RMDN3: variants seen among roughly 807,000 people sequenced by gnomAD.
RMDN3 encodes the protein regulator of microtubule dynamics protein 3.
A neutral mutation model predicts 61.8 loss-of-function variants in RMDN3; 41 were observed. That is an observed-to-expected ratio of 0.66 (90% CI 0.52 to 0.86). The LOEUF (loss-of-function observed/expected upper bound fraction) is 0.86, where lower values mean the gene tolerates loss of function less well. Among genes scored for constraint, RMDN3 ranks in the 40% least tolerant of loss-of-function variants. The probability of loss-of-function intolerance (pLI) is 0.00; values close to 1 mark genes in which losing one functional copy is unlikely to be tolerated. For missense variants in RMDN3, 557 were observed against 585.3 expected, an observed-to-expected ratio of 0.95 and a Z score of 0.50; for synonymous variants, 247 against 232.0, an observed-to-expected ratio of 1.06 and a Z score of -0.59.
intron 8 of RMDN3, 41 bp from the exon 9 acceptor site, chr15:40,738,083 G>C: frequency 1.2e-6 from 2 of 1,603,308 alleles, no homozygotes; most frequent in Non-Finnish European, 1.7e-6. Context: ...TCAGACACCA[G>C]AGTTGCTAAA....
chr15:40,737,956 G>A lies in RMDN3; in HGVS notation c.1125+9C>T, dbSNP rs370226833. ...GGACCATTATGTCAAGCACTGAAAC[G>A]CAGCTTACCTGATAGCACCACCTGC... is the stretch of plus-strand genomic sequence containing the variant. On this transcript the variant is annotated intron_variant, in intron 9 of 12. Coordinates refer to ENST00000338376, the MANE Select transcript of RMDN3 (RefSeq NM_018145.3). The A allele has an allele frequency of 1.6e-4, 260 of 1,613,900 alleles. 1 individual carries two copies. The highest frequency in any genetic ancestry group is 1.7e-4 in the Middle Eastern group (1 of 6,060).
chr15:40,737,671 G>A lies in RMDN3; in HGVS notation c.1181C>T (p.Pro394Leu), dbSNP rs760575607. ...KKTATALLESPLSATVEDALQ... is the reference protein window; with the variant it reads ...KKTATALLESLLSATVEDALQ... Reference sequence around the variant, plus strand: ...GGCATCTTCCACAGTGGCACTGAGAGGGCTTTCAAGCAAGGCTGTAGCAGT... The same window carrying A: ...GGCATCTTCCACAGTGGCACTGAGAAGGCTTTCAAGCAAGGCTGTAGCAGT... Residue 394 changes from proline to leucine, a missense_variant, in exon 10 of 13, where the codon CCT (proline) becomes CTT (leucine). Pro to Leu is a moderately conservative substitution (Grantham distance 98, BLOSUM62 -3). Transcript: ENST00000338376. 1 of 1,614,172 alleles carries A rather than the reference G, an allele frequency of 6.2e-7. No homozygotes were observed. Among genetic ancestry groups the A allele is most frequent in the South Asian group, 1.1e-5 (1 of 91,080 alleles).
At chr15:40,738,457 C>T (rs1293993210) in intron 8 of RMDN3, 44 bp downstream of exon 8, 1 of 1,599,618 alleles carries the variant, frequency 6.3e-7, no homozygotes, top group Non-Finnish European at 8.6e-7. Flanking sequence ...AGTGGGGAAT[C>T]TGGGATAGGC....
Position 40,737,129 on chromosome 15 carries a change from T to A in RMDN3, c.1354A>T (p.Lys452Ter). 1 of 1,614,044 alleles carries A rather than the reference T, an allele frequency of 6.2e-7. No individual in the cohort carries two copies. Among genetic ancestry groups the A allele is most frequent in the Non-Finnish European group, 8.5e-7 (1 of 1,179,908 alleles). ...GCAGTATTAAAAAGCCTTACCTCCTTCGTGACATCTGGCAGCTCCAGGGCC... is the reference window on the plus strand; with the variant it reads ...GCAGTATTAAAAAGCCTTACCTCCTACGTGACATCTGGCAGCTCCAGGGCC... Reference protein sequence around the residue: ...KLALELPDVTKEDLAIQKDLE... With the variant: ...KLALELPDVT Residue 452 changes from lysine to a stop codon, truncating the protein, a stop_gained, in exon 12 of 13, where the codon AAG becomes TAG. Transcript: ENST00000338376. LOFTEE classifies it high-confidence loss of function.
At chr15:40,754,574 G>T in intron 2 of RMDN3, 23 bp downstream of exon 2, 6 of 1,599,134 alleles carry the variant, frequency 3.8e-6, no homozygotes, top group Non-Finnish European at 5.1e-6. Flanking sequence ...CAGTGACCGC[G>T]GTCTCAGGAG....
At chr15:40,738,137 T>G (rs1897136878) in intron 8 of RMDN3, 95 bp from the exon 9 acceptor site, 1 of 1,309,844 alleles carries the variant, frequency 7.6e-7, no homozygotes, top group Non-Finnish European at 1.1e-6. Context: ...CTGTAATCCC[T>G]GCACTTTGGG....
At chr15:40,744,327 A>G (rs1897411895) in intron 5 of RMDN3, 178 bp from the exon 6 acceptor site, 1 of 598,082 alleles carries the variant, frequency 1.7e-6, no homozygotes, top group Admixed American at 2.7e-5. Flanking sequence ...CGTGCAGTTA[A>G]TGTATGACAC....
At chr15:40,753,657 G>A (rs1487116992) in intron 2 of RMDN3, among the ~76,000 whole-genome samples, 1 of 152,200 alleles carries the variant, frequency 6.6e-6, no homozygotes, top group Admixed American at 6.5e-5. Context: ...CAGCTGTACA[G>A]GCTGCCAGCC....
At position 40,744,958 on chromosome 15, in the gene RMDN3, C is replaced by G; in HGVS notation, c.807+19G>C. The G allele has an allele frequency of 6.4e-7, 1 of 1,571,874 alleles. No individual in the cohort carries two copies. The highest frequency in any genetic ancestry group is 8.6e-7 in the Non-Finnish European group (1 of 1,158,166). On this transcript the variant is annotated intron_variant, in intron 5 of 12. Coordinates refer to ENST00000338376, the MANE Select transcript of RMDN3 (RefSeq NM_018145.3). ...AGGGAGGGAGGGAAGGAGAAGGAGA[C>G]AGGCAGCTGGAGCCTCACCACCAGC...
intron 6 of RMDN3, among the ~76,000 whole-genome samples, chr15:40,740,746 A>G (rs1186874331): frequency 1.3e-5 from 2 of 152,162 alleles, no homozygotes; most frequent in Admixed American, 1.3e-4. Context: ...CCTTCTTTTT[A>G]TAATGCCCAC....
chr15:40,754,501 T>C, intron 2 of RMDN3, 96 bp downstream of exon 2: 2 of 1,270,098 alleles, frequency 1.6e-6, no homozygotes, highest in Non-Finnish European at 2.1e-6. Context: ...AAAGCACTTC[T>C]CTCCGTTACC....
chr15:40,737,798 A>G, intron 9 of RMDN3, 72 bp from the exon 10 acceptor site: 1 of 1,536,372 alleles, frequency 6.5e-7, no homozygotes, highest in Non-Finnish European at 9.0e-7. Context: ...TTGGGGATAT[A>G]TTGAAAATAG....
chr15:40,742,615 C>A (rs1365004571), intron 6 of RMDN3, among the ~76,000 whole-genome samples: 2 of 152,200 alleles, frequency 1.3e-5, no homozygotes, highest in Non-Finnish European at 2.9e-5. Flanking sequence ...TTCTTAAAGG[C>A]TGTGATCTCA....
In RMDN3 at chr15:40,738,010, T is replaced by C. The variant is rs1399020582; in HGVS notation, c.1080A>G (p.Pro360=). 4 of 1,614,086 alleles carry C rather than the reference T, an allele frequency of 2.5e-6. No homozygotes were observed. The African/African-American group carries it at 4.0e-5, about 16-fold the overall frequency. ...EHVDKAIALQ[P]ENPMAHFLLG... is the part of the protein sequence containing the mutation. ...GAAGAAAGTGAGCCATGGGGTTTTC[T>C]GGCTGGAGAGCAATGGCTTTGTCCA... The change falls in exon 9 of 13, where the codon CCA becomes CCG. Residue 360 remains proline, a synonymous_variant. Transcript: ENST00000338376.
intron 4 of RMDN3, among the ~76,000 whole-genome samples, chr15:40,748,554 G>A (rs1237678455): frequency 6.6e-6 from 1 of 152,218 alleles, no homozygotes. Context: ...AGGACCCCCA[G>A]GTGTCCCTGG....
At chr15:40,742,227 C>CTT (rs35290168) in intron 6 of RMDN3, among the ~76,000 whole-genome samples, 1 of 147,254 alleles carries the variant, frequency 6.8e-6, no homozygotes, top group Non-Finnish European at 1.5e-5. Context: ...AGGCTAGTCT[C>CTT]TAACTCCTGG....
rs550613709 is a variant in RMDN3 at position 40,753,396 on chromosome 15, C to A, written c.187+1201G>T. On this transcript the variant is annotated intron_variant, in intron 2 of 12. Transcript: ENST00000338376. ...GCATGGTGGCACGCACCTGTGATCC[C>A]AGCTACTCGGGAGGCTGAGGCACGA... 5.9e-5 allele frequency among the ~76,000 whole-genome samples: 9 copies of A among 152,222 alleles called. No homozygotes were observed. The East Asian group carries it at 1.7e-3, about 29-fold the overall frequency.
At chr15:40,743,416 T>TC (rs1897358968) in intron 6 of RMDN3, among the ~76,000 whole-genome samples, 1 of 87,944 alleles carries the variant, frequency 1.1e-5, no homozygotes, top group Non-Finnish European at 2.2e-5. Flanking sequence ...GAAAGACTGT[T>TC]TAAAAAAAAA....
At position 40,746,933 on chromosome 15, in the gene RMDN3, T is replaced by C. The variant is rs147994537; in HGVS notation, c.525-1674A>G. Reference sequence around the variant, plus strand: ...AGGGACAAGGATAAGTGTCATTAGATTTCGTAACCAACCTGGGTACTGATG... The same window carrying C: ...AGGGACAAGGATAAGTGTCATTAGACTTCGTAACCAACCTGGGTACTGATG... On this transcript the variant is annotated intron_variant, in intron 4 of 12. Coordinates refer to ENST00000338376, the MANE Select transcript of RMDN3 (RefSeq NM_018145.3). Among the ~76,000 whole-genome samples, 8 of 151,120 alleles carry C rather than the reference T, an allele frequency of 5.3e-5. No homozygotes were observed. In the East Asian group the frequency reaches 1.6e-3, roughly 29 times the overall value.
Sources: gnomAD v4.1 joint callset for allele counts (sites outside exome capture counted in the v4.1 genomes callset) on GRCh38, gnomAD v4.1.1 for gene constraint, MANE v1.5 for transcripts, NCBI Gene and HGNC (gene_info 2026-07-23, HGNC 2026-07-21) for gene names.